Variants in NRF1 observed in about 807,000 individuals in gnomAD.
NRF1 encodes alpha palindromic-binding protein.
In NRF1, 5 loss-of-function variants were observed where a neutral mutation model predicts 58.5. The ratio of observed to expected loss-of-function variants is 0.09; its 90% CI spans 0.04 to 0.18. The LOEUF (loss-of-function observed/expected upper bound fraction) is 0.18, where lower values mean the gene tolerates loss of function less well. Ranked by LOEUF, NRF1 falls within the 10% of genes least tolerant of loss-of-function variation. The pLI, the probability that NRF1 is intolerant of heterozygous loss-of-function variation, is 1.00. For synonymous variants in NRF1, 224 were observed against 246.7 expected, an observed-to-expected ratio of 0.91 and a Z score of 0.86; for missense variants, 288 against 657.7, an observed-to-expected ratio of 0.44 and a Z score of 6.15.
intron 4 of NRF1, among the ~76,000 whole-genome samples, chr7:129,682,863 TA>T (rs66539871): frequency 1 from 152,289 of 152,296 alleles, 76,141 homozygotes; most frequent in Middle Eastern, 1. Context: ...TACAAGGGGA[TA>T]AATATATCAT....
At chr7:129,733,355 T>C (rs764264043) in intron 10 of NRF1, among the ~76,000 whole-genome samples, 13 of 151,478 alleles carry the variant, frequency 8.6e-5, no homozygotes, top group Non-Finnish European at 1.3e-4. Context: ...TAGTCCCAGC[T>C]ACTCGGGAGG....
At chr7:129,699,580 A>C (rs536722885) in intron 5 of NRF1, among the ~76,000 whole-genome samples, 3 of 151,930 alleles carry the variant, frequency 2.0e-5, no homozygotes, top group African/African-American at 2.4e-5. Context: ...TTTACAAAAA[A>C]ATTAGCCAGG....
At chr7:129,611,991 C>T (rs1047362312) in intron 1 of NRF1, among the ~76,000 whole-genome samples, 167 bp downstream of exon 1, 20 of 148,946 alleles carry the variant, frequency 1.3e-4, no homozygotes, top group African/African-American at 3.9e-4. Context: ...GGGGCCCCGG[C>T]CCGGCCCAGC....
chr7:129,624,744 T>C (rs1228650991), intron 1 of NRF1, among the ~76,000 whole-genome samples: 1 of 152,150 alleles, frequency 6.6e-6, no homozygotes, highest in African/African-American at 2.4e-5. Context: ...CAGACTCCTG[T>C]GCTGAAGGGA....
chr7:129,716,252 C>A (rs1239749937), intron 8 of NRF1, among the ~76,000 whole-genome samples: 1 of 151,808 alleles, frequency 6.6e-6, no homozygotes, highest in Admixed American at 6.6e-5. Context: ...AATAGCTCTA[C>A]AAAGGTACAC....
intron 1 of NRF1, among the ~76,000 whole-genome samples, chr7:129,636,354 C>T (rs919727450): frequency 6.6e-6 from 1 of 152,048 alleles, no homozygotes; most frequent in Non-Finnish European, 1.5e-5. Context: ...TGTGTCTCAG[C>T]CTCTCAAATA....
intron 8 of NRF1, among the ~76,000 whole-genome samples, chr7:129,712,180 C>T (rs1803088722): frequency 6.6e-6 from 1 of 152,010 alleles, no homozygotes; most frequent in African/African-American, 2.4e-5. Context: ...CGAGACATAA[C>T]AGAGCTTAGA....
Position 129,657,132 on chromosome 7 carries a change from A to G in NRF1, c.-6-214A>G, listed in dbSNP as rs527356171. 7.2e-5 allele frequency among the ~76,000 whole-genome samples: 11 copies of G among 152,320 alleles called. No homozygotes were observed. The South Asian group carries it at 1.9e-3, about 26-fold the overall frequency. On this transcript the variant is annotated intron_variant, in intron 1 of 10. Coordinates refer to ENST00000393232, the MANE Select transcript of NRF1 (RefSeq NM_005011.5). ...TATAAAATTAGTACAGCGAATTTCC[A>G]TCAAAATGGTTTCACGTAAGAACAC...
intron 2 of NRF1, among the ~76,000 whole-genome samples, chr7:129,668,169 A>G (rs1801964183): frequency 1.3e-5 from 2 of 152,204 alleles, no homozygotes; most frequent in African/African-American, 4.8e-5. Flanking sequence ...AACCAGCATC[A>G]TATATTTAAT....
At chr7:129,649,082 T>C (rs1008974315) in intron 1 of NRF1, among the ~76,000 whole-genome samples, 1 of 152,210 alleles carries the variant, frequency 6.6e-6, no homozygotes, top group Non-Finnish European at 1.5e-5. Context: ...AGCCACATTT[T>C]ACTTTGATTC....
chr7:129,654,832 A>G (rs1801615536), intron 1 of NRF1, among the ~76,000 whole-genome samples: 1 of 152,146 alleles, frequency 6.6e-6, no homozygotes, highest in Admixed American at 6.5e-5. Context: ...CTGGTGTTTC[A>G]CCAATACCAT....
intron 1 of NRF1, chr7:129,641,659 A>G (rs959067144): frequency 6.6e-6 from 1 of 152,122 alleles, no homozygotes; most frequent in African/African-American, 2.4e-5. Flanking sequence ...TATGTGCTTA[A>G]AGACTCAGCT....
In NRF1 at chr7:129,677,570, CTA is replaced by C. The variant is rs1363465636; in HGVS notation, c.339-60_339-59del. ...ATAAACTGTCTTACCTCATTTGTGTCTATGTCACTGTAATTTCCGTCTTTTTA... is the reference window on the plus strand; with the variant it reads ...ATAAACTGTCTTACCTCATTTGTGTCTGTCACTGTAATTTCCGTCTTTTTA... On this transcript the variant is annotated intron_variant, in intron 3 of 10. Transcript: ENST00000393232. 4.0e-6 allele frequency: 6 copies of C among 1,497,324 alleles called. No individual in the cohort carries two copies. In the East Asian group the frequency reaches 1.1e-4, roughly 28 times the overall value. 92.8% of individuals were successfully genotyped at this position (1,497,324 alleles called of 1,614,324 possible). A position where few individuals can be genotyped will look rare whatever the true frequency, so the allele number is the denominator to read the frequency against.
intron 1 of NRF1, among the ~76,000 whole-genome samples, chr7:129,628,132 C>T (rs774327781): frequency 5.4e-5 from 8 of 147,416 alleles, no homozygotes; most frequent in Admixed American, 2.1e-4. Flanking sequence ...CAAGCTCTGC[C>T]TCCTGGGTTC....
At chr7:129,754,766 A>G (rs552615434) in intron 10 of NRF1, among the ~76,000 whole-genome samples, 2 of 152,218 alleles carry the variant, frequency 1.3e-5, no homozygotes, top group East Asian at 1.9e-4. Flanking sequence ...CAGTGTATAC[A>G]TGCATTGAAA....
chr7:129,719,176 A>T (rs549135357), intron 9 of NRF1, among the ~76,000 whole-genome samples: 1 of 150,456 alleles, frequency 6.6e-6, no homozygotes, highest in South Asian at 2.1e-4. Context: ...CTTGTTGCCT[A>T]GGCTGAAGTA....
At chr7:129,653,937 T>C (rs1402862640) in intron 1 of NRF1, among the ~76,000 whole-genome samples, 1 of 152,250 alleles carries the variant, frequency 6.6e-6, no homozygotes, top group East Asian at 1.9e-4. Context: ...TAAACATCCA[T>C]GTGCAGGTTT....
chr7:129,657,457 A>T lies in NRF1; in HGVS notation c.106A>T (p.Ser36Cys). The change falls in exon 2 of 11, where the codon AGT becomes TGT. Residue 36 changes from serine (S) to cysteine (C), a missense_variant. This residue lies in a region of NRF1 where 48 missense variants were observed against 65.5 expected (regional missense o/e 0.73). Transcript: ENST00000393232. ...CCATGTGGCTACTTACACCGAGCAT[A>T]GTATGCTGAGTGCTGATGAAGACTC... The part of the protein sequence containing the change: ...QVHVATYTEH[S>C]MLSADEDSPS... The T allele has an allele frequency of 6.2e-7, 1 of 1,614,114 alleles. No homozygotes were observed. The highest frequency in any genetic ancestry group is 8.5e-7 in the Non-Finnish European group (1 of 1,180,010).
At chr7:129,642,756 AATTTT>A (rs1391441294) in intron 1 of NRF1, among the ~76,000 whole-genome samples, 6 of 131,682 alleles carry the variant, frequency 4.6e-5, no homozygotes, top group African/African-American at 1.6e-4. Flanking sequence ...TTCTTTAAAA[AATTTT>A]TTTTTTTTTT....
Sources: allele counts gnomAD v4.1 joint callset (sites outside exome capture counted in the v4.1 genomes callset), GRCh38; gene constraint gnomAD v4.1.1; regional missense constraint gnomAD v4.1.1; transcripts MANE v1.5; gene names NCBI Gene and HGNC (gene_info 2026-07-23, HGNC 2026-07-21).